Variants in INO80C observed in about 807,000 individuals in gnomAD.
INO80C encodes INO80 complex subunit C.
In INO80C, 17 loss-of-function variants were observed where a neutral mutation model predicts 17.7. The ratio of observed to expected loss-of-function variants is 0.96; its 90% CI spans 0.66 to 1.44. The LOEUF is 1.44. INO80C is among the 40% of genes most tolerant of loss of function. The pLI is 0.00. For missense variants in INO80C, 244 were observed against 245.0 expected (o/e 1.00, Z 0.03); for synonymous variants, 96 against 95.8 (o/e 1.00, Z -0.01).
chr18:35,486,426 A>G (rs1026237630), intron 1 of INO80C, among the ~76,000 whole-genome samples: 8 of 152,210 alleles, frequency 5.3e-5, no homozygotes, highest in Non-Finnish European at 1.0e-4. Context: ...TCCTAAAATT[A>G]GATAGGATAT....
Position 35,478,344 on chromosome 18 carries a change from T to C in INO80C, c.385A>G (p.Ser129Gly). The change falls in exon 4 of 5, where the codon AGT becomes GGT. Residue 129 changes from serine to glycine, a missense_variant. By Grantham distance (56) the Ser-to-Gly change is moderately conservative. Coordinates refer to ENST00000334598, the MANE Select transcript of INO80C (RefSeq NM_194281.4). ...PWQLNDPNYF[S>G]IDAPPSFKPA... ...TTAAAGGATGGAGGAGCATCAATAC[T>C]GAAGTCTGGGAAAAAAAAAAAAAAA... 2.6e-6 allele frequency: 4 copies of C among 1,563,736 alleles called. No individual in the cohort carries two copies. The highest frequency in any genetic ancestry group is 2.6e-6 in the Non-Finnish European group (3 of 1,156,902).
At chr18:35,490,207 G>A (rs1278663291) in intron 1 of INO80C, among the ~76,000 whole-genome samples, 2 of 152,070 alleles carry the variant, frequency 1.3e-5, no homozygotes, top group Non-Finnish European at 2.9e-5. Context: ...GGGGTGAGCC[G>A]GTCCAAGGAG....
chr18:35,477,206 T>C (rs985192495), intron 4 of INO80C, among the ~76,000 whole-genome samples: 1 of 152,114 alleles, frequency 6.6e-6, no homozygotes, highest in African/African-American at 2.4e-5. Flanking sequence ...AGCGTGCCAC[T>C]GCACTCCAGC....
chr18:35,494,961 T>C (rs1190721342), intron 1 of INO80C, among the ~76,000 whole-genome samples: 2 of 152,178 alleles, frequency 1.3e-5, no homozygotes, highest in Non-Finnish European at 2.9e-5. Context: ...AACAGTACAA[T>C]AAATTACTGC....
intron 1 of INO80C, among the ~76,000 whole-genome samples, chr18:35,490,721 C>T (rs62100506): frequency 1.8e-4 from 27 of 151,472 alleles, no homozygotes; most frequent in Non-Finnish European, 3.2e-4. Context: ...TTCTTCCACT[C>T]CAGAGATGTT....
chr18:35,494,568 G>A (rs1158938782), intron 1 of INO80C, among the ~76,000 whole-genome samples: 3 of 152,226 alleles, frequency 2.0e-5, no homozygotes, highest in East Asian at 3.9e-4. Flanking sequence ...GGCAGCAGCT[G>A]ACAGCCAGCA....
intron 4 of INO80C, 84 bp downstream of exon 4, chr18:35,478,198 T>C (rs1182459297): frequency 1.9e-6 from 2 of 1,041,794 alleles, no homozygotes; most frequent in Non-Finnish European, 2.9e-6. Flanking sequence ...GGACCAGCCA[T>C]GATCAATATT....
chr18:35,497,915 A>G lies in INO80C; in HGVS notation c.-41T>C. ...CCCCTGGTCCCCCCACCTTTTTCCC[A>G]GCGCGGGCCTTGGAACTTCCTTTCC... On this transcript the variant is annotated 5_prime_UTR_variant, in exon 1 of 5. Coordinates refer to ENST00000334598, the MANE Select transcript of INO80C (RefSeq NM_194281.4). 1 of 1,488,218 alleles carries G rather than the reference A, an allele frequency of 6.7e-7. No homozygotes were observed. The highest frequency in any genetic ancestry group is 8.9e-7 in the Non-Finnish European group (1 of 1,118,242). The allele number at this position is 1,488,218 out of a possible 1,614,324, so 92.2% of individuals were successfully genotyped here.
intron 3 of INO80C, 24 bp downstream of exon 3, chr18:35,479,275 AC>A: frequency 7.2e-7 from 1 of 1,396,798 alleles, no homozygotes; most frequent in Non-Finnish European, 1.0e-6. Flanking sequence ...CATTACAAAC[AC>A]ATGGAAGGCT....
Position 35,495,340 on chromosome 18 carries a change from G to C in INO80C, c.156+2379C>G, listed in dbSNP as rs1036068400. The stretch of plus-strand genomic sequence containing the variant: ...TGAGGTGGGAGGATCCACTGAGCCA[G>C]GAGGTCGAGGCTGCAGTGAGCCATG... On this transcript the variant is annotated intron_variant, in intron 1 of 4. Coordinates refer to ENST00000334598, the MANE Select transcript of INO80C (RefSeq NM_194281.4). Among the ~76,000 whole-genome samples, 4 of 152,218 alleles carry C rather than the reference G, an allele frequency of 2.6e-5. No individual in the cohort carries two copies. In the East Asian group the frequency reaches 7.7e-4, roughly 29 times the overall value.
At chr18:35,483,816 G>A (rs941176771) in intron 1 of INO80C, 1 of 152,192 alleles carries the variant, frequency 6.6e-6, no homozygotes, top group African/African-American at 2.4e-5. Context: ...GGAACATAGT[G>A]GAATGGAGAG....
intron 1 of INO80C, among the ~76,000 whole-genome samples, chr18:35,488,642 T>C (rs1217641988): frequency 6.6e-6 from 1 of 152,202 alleles, no homozygotes; most frequent in Non-Finnish European, 1.5e-5. Context: ...CAAAGGTCTC[T>C]GACATGCCCT....
At chr18:35,486,077 C>G (rs982292811) in intron 1 of INO80C, among the ~76,000 whole-genome samples, 2 of 152,370 alleles carry the variant, frequency 1.3e-5, no homozygotes, top group Non-Finnish European at 2.9e-5. Context: ...GATTGTGCCA[C>G]TGCCTTCCAG....
rs957549164 is a variant in INO80C, at chr18:35,468,555, A to G, written c.*56T>C. Reference sequence around the variant, plus strand: ...GAGTTTGTTTCCGTGAAACAAAATCATGAGTCCAGAGTCTGTTTTTGAAAC... The same window carrying G: ...GAGTTTGTTTCCGTGAAACAAAATCGTGAGTCCAGAGTCTGTTTTTGAAAC... On this transcript the variant is annotated 3_prime_UTR_variant, in exon 5 of 5. Coordinates refer to ENST00000334598, the MANE Select transcript of INO80C (RefSeq NM_194281.4). 5 of 1,606,994 alleles carry G rather than the reference A, an allele frequency of 3.1e-6. No homozygotes were observed. Among genetic ancestry groups the G allele is most frequent in the East Asian group, 2.2e-5 (1 of 44,628 alleles).
chr18:35,471,302 G>A (rs2045666412), intron 4 of INO80C, among the ~76,000 whole-genome samples: 1 of 152,200 alleles, frequency 6.6e-6, no homozygotes, highest in Non-Finnish European at 1.5e-5. Context: ...ACTGCTAAGT[G>A]GGCACCTTTC....
chr18:35,474,231 A>ATATATATATATG (rs1193505090), intron 4 of INO80C, among the ~76,000 whole-genome samples: 7 of 133,676 alleles, frequency 5.2e-5, no homozygotes, highest in African/African-American at 1.9e-4. Context: ...ATATATATAT[A>ATATATATATATG]TATATATATA....
chr18:35,481,945 A>C (rs1298671735), intron 1 of INO80C, among the ~76,000 whole-genome samples: 1 of 152,210 alleles, frequency 6.6e-6, no homozygotes, highest in Non-Finnish European at 1.5e-5. Context: ...AGTCTGTTTC[A>C]GTGTATTTGC....
Position 35,480,503 on chromosome 18 carries a change from G to T in INO80C, c.217C>A (p.Pro73Thr), listed in dbSNP as rs918175241. ...KMVPSEFSTG[P>T]VEKAAKPLPF... ...AAAGGTTTGGCAGCTTTTTCCACAG[G>T]TCCTGTGCTAAACTCAGAGGGCACC... Residue 73 changes from proline (P) to threonine (T), a missense_variant, in exon 2 of 5, where the codon CCT becomes ACT. Physicochemically the swap from Pro to Thr is conservative, Grantham distance 38. Transcript: ENST00000334598. 6.2e-7 allele frequency: 1 copy of T among 1,614,108 alleles called. No individual in the cohort carries two copies. The highest frequency in any genetic ancestry group is 8.5e-7 in the Non-Finnish European group (1 of 1,179,952).
chr18:35,470,575 T>C lies in INO80C; in HGVS notation c.448-1833A>G, dbSNP rs116010756. 4.8e-3 allele frequency among the ~76,000 whole-genome samples: 729 copies of C among 152,262 alleles called. 8 individuals carry two copies. The highest frequency in any genetic ancestry group is 0.017 in the African/African-American group (694 of 41,540). On this transcript the variant is annotated intron_variant, in intron 4 of 4. Coordinates refer to ENST00000334598, the MANE Select transcript of INO80C (RefSeq NM_194281.4). ...TCTGGCGTGGACCATCTGGCCTCCA[T>C]AGACGAACCAGCCTCGGCTGAGCTC...
Sources: gnomAD v4.1 joint callset for allele counts (sites outside exome capture counted in the v4.1 genomes callset) on GRCh38, gnomAD v4.1.1 for gene constraint, MANE v1.5 for transcripts, NCBI Gene and HGNC (gene_info 2026-07-23, HGNC 2026-07-21) for gene names.